The following RSU1 variants were observed in gnomAD, a reference collection of about 807,000 sequenced individuals.
RSU1 encodes the protein Ras suppressor protein 1.
In RSU1, 26 loss-of-function variants were observed where a neutral mutation model predicts 31.1. The ratio of observed to expected loss-of-function variants is 0.84; its 90% CI spans 0.61 to 1.16. RSU1 has a LOEUF of 1.16. Among genes scored for constraint, RSU1 ranks in the 50% most tolerant of loss-of-function variants. The pLI is 0.00. For missense variants in RSU1, 320 were observed against 339.1 expected (o/e 0.94, Z 0.44); for synonymous variants, 164 against 136.3 (o/e 1.20, Z -1.41).
chr10:16,616,368 A>C (rs1023941609), intron 8 of RSU1, among the ~76,000 whole-genome samples: 10 of 121,222 alleles, frequency 8.2e-5, no homozygotes, highest in African/African-American at 3.6e-4. Context: ...ATAGCCTACC[A>C]ACCAAAAAAA....
chr10:16,712,458 T>C (rs1255603073), intron 7 of RSU1, among the ~76,000 whole-genome samples: 1 of 152,098 alleles, frequency 6.6e-6, no homozygotes, highest in Non-Finnish European at 1.5e-5. Context: ...GCTGCGAAGT[T>C]TTGTTTTCTT....
chr10:16,690,433 A>G (rs1351050984), intron 8 of RSU1, among the ~76,000 whole-genome samples: 1 of 152,144 alleles, frequency 6.6e-6, no homozygotes, highest in Admixed American at 6.5e-5. Flanking sequence ...CTGAGACATG[A>G]TGAAGGGGCC....
At chr10:16,621,686 A>G (rs1269597507) in intron 8 of RSU1, among the ~76,000 whole-genome samples, 1 of 151,912 alleles carries the variant, frequency 6.6e-6, no homozygotes, top group Non-Finnish European at 1.5e-5. Context: ...GTGCTGGGGA[A>G]CCCCTCTTTA....
chr10:16,717,594 T>A (rs1274360551), intron 7 of RSU1, among the ~76,000 whole-genome samples: 2 of 152,100 alleles, frequency 1.3e-5, no homozygotes, highest in African/African-American at 4.8e-5. Flanking sequence ...ATAACCTTCT[T>A]TAGGACTGGA....
chr10:16,774,448 T>C (rs1837488020), intron 3 of RSU1, among the ~76,000 whole-genome samples: 2 of 152,126 alleles, frequency 1.3e-5, no homozygotes, highest in Admixed American at 6.5e-5. Context: ...TGCACACCTG[T>C]AGTCCCAGCT....
intron 2 of RSU1, among the ~76,000 whole-genome samples, chr10:16,784,157 T>C (rs1837718238): frequency 6.8e-6 from 1 of 147,132 alleles, no homozygotes. Context: ...TTACAGCTCA[T>C]TGCAGCCTCA....
intron 8 of RSU1, among the ~76,000 whole-genome samples, chr10:16,680,525 T>C (rs1451764464): frequency 6.6e-6 from 1 of 152,144 alleles, no homozygotes; most frequent in Non-Finnish European, 1.5e-5. Flanking sequence ...ATCTGCTTGC[T>C]TCTAGGGAGG....
At chr10:16,773,042 A>G (rs548423042) in intron 3 of RSU1, among the ~76,000 whole-genome samples, 2 of 152,170 alleles carry the variant, frequency 1.3e-5, no homozygotes, top group South Asian at 4.1e-4. Flanking sequence ...CCCCACCTCT[A>G]CAAAAAAATT....
intron 8 of RSU1, among the ~76,000 whole-genome samples, chr10:16,665,991 C>T (rs1485858598): frequency 6.6e-6 from 1 of 152,164 alleles, no homozygotes; most frequent in Non-Finnish European, 1.5e-5. Context: ...TTAAAGTATA[C>T]TGTGTCCTTG....
intron 2 of RSU1, among the ~76,000 whole-genome samples, chr10:16,783,643 C>G (rs1054680407): frequency 6.7e-6 from 1 of 149,306 alleles, no homozygotes; most frequent in Non-Finnish European, 1.5e-5. Context: ...CGTGGGCCAC[C>G]GAGTCCGGCC....
chr10:16,746,847 G>A (rs1267039644), intron 7 of RSU1, among the ~76,000 whole-genome samples: 3 of 152,036 alleles, frequency 2.0e-5, no homozygotes, highest in South Asian at 2.1e-4. Context: ...TTAGCCACAC[G>A]GCTGGCTGCT....
At chr10:16,810,941 G>A (rs1041277999) in intron 2 of RSU1, among the ~76,000 whole-genome samples, 2 of 152,026 alleles carry the variant, frequency 1.3e-5, no homozygotes, top group African/African-American at 4.8e-5. Flanking sequence ...AGGATCACTT[G>A]AGCCCAGGAA....
intron 8 of RSU1, among the ~76,000 whole-genome samples, chr10:16,596,430 T>C (rs1342809750): frequency 6.6e-6 from 1 of 152,164 alleles, no homozygotes; most frequent in African/African-American, 2.4e-5. Context: ...CACCTGCCCT[T>C]GTCCTCAGAT....
At chr10:16,641,510 T>C (rs559468242) in intron 8 of RSU1, among the ~76,000 whole-genome samples, 1 of 143,834 alleles carries the variant, frequency 7.0e-6, no homozygotes, top group African/African-American at 2.8e-5. Flanking sequence ...AAAAAAAAAT[T>C]AAAAAGGTTA....
intron 8 of RSU1, among the ~76,000 whole-genome samples, chr10:16,683,957 T>C (rs977019008): frequency 2.0e-5 from 3 of 152,180 alleles, no homozygotes; most frequent in African/African-American, 4.8e-5. Flanking sequence ...CTGGGATTAA[T>C]AGAAAGGAAA....
At chr10:16,712,399 CCT>C (rs1417020943) in intron 7 of RSU1, among the ~76,000 whole-genome samples, 2 of 151,854 alleles carry the variant, frequency 1.3e-5, no homozygotes, top group East Asian at 3.9e-4. Context: ...ATCCTTTTCC[CCT>C]TTCTTTTACT....
chr10:16,715,626 A>T (rs955837029), intron 7 of RSU1, among the ~76,000 whole-genome samples: 1 of 152,162 alleles, frequency 6.6e-6, no homozygotes, highest in Non-Finnish European at 1.5e-5. Flanking sequence ...TTAGGCAAGG[A>T]TTTATTTCTG....
intron 7 of RSU1, among the ~76,000 whole-genome samples, chr10:16,697,806 A>C (rs1266902127): frequency 6.6e-6 from 1 of 152,134 alleles, no homozygotes; most frequent in East Asian, 1.9e-4. Context: ...CTAGTTAGTG[A>C]GTATTTTCCC....
chr10:16,657,649 C>T (rs1344915767), intron 8 of RSU1, among the ~76,000 whole-genome samples: 2 of 152,018 alleles, frequency 1.3e-5, no homozygotes, highest in Non-Finnish European at 2.9e-5. Flanking sequence ...TGTTCAGCTG[C>T]CCCGGAGGTT....
Sources: gnomAD v4.1 joint callset for allele counts (sites outside exome capture counted in the v4.1 genomes callset) on GRCh38, gnomAD v4.1.1 for gene constraint, MANE v1.5 for transcripts, NCBI Gene and HGNC (gene_info 2026-07-23, HGNC 2026-07-21) for gene names.